Variants in SPIN1 observed in about 807,000 individuals in gnomAD.
SPIN1 encodes spindlin 1.
A neutral mutation model predicts 26.0 loss-of-function variants in SPIN1; 3 were observed. The ratio of observed to expected loss-of-function variants is 0.12; its 90% CI spans 0.05 to 0.30. SPIN1 has a LOEUF of 0.30. Ranked by LOEUF, SPIN1 falls within the 10% of genes least tolerant of loss-of-function variation. SPIN1 has a pLI of 1.00. For synonymous variants in SPIN1, 101 were observed against 116.5 expected (o/e 0.87, Z 0.86); for missense variants, 126 against 333.4 (o/e 0.38, Z 4.84).
In SPIN1 at chr9:88,422,652, G is replaced by A. The variant is rs1827691355; in HGVS notation, c.-158-3730G>A. Among the ~76,000 whole-genome samples, 3 of 151,972 alleles carry A rather than the reference G, an allele frequency of 2.0e-5. No homozygotes were observed. In the South Asian group the frequency reaches 6.2e-4, roughly 32 times the overall value. Reference sequence around the variant, plus strand: ...TACTTGCAACTCAAAAAAGAGAAAGGACTCTAAAATTTTATTTTATTTTTT... The same window carrying A: ...TACTTGCAACTCAAAAAAGAGAAAGAACTCTAAAATTTTATTTTATTTTTT... On this transcript the variant is annotated intron_variant, in intron 1 of 5. Coordinates refer to ENST00000375859, the MANE Select transcript of SPIN1 (RefSeq NM_006717.3).
chr9:88,409,664 T>C (rs1827394976), intron 1 of SPIN1, among the ~76,000 whole-genome samples: 2 of 151,326 alleles, frequency 1.3e-5, no homozygotes, highest in African/African-American at 4.9e-5. Flanking sequence ...TGAAACCCTG[T>C]CTCTACTAAA....
intron 1 of SPIN1, among the ~76,000 whole-genome samples, chr9:88,421,905 T>G (rs1282361673): frequency 6.6e-6 from 1 of 152,096 alleles, no homozygotes; most frequent in Non-Finnish European, 1.5e-5. Context: ...ACATTTCACC[T>G]GGAGGTAAAA....
intron 3 of SPIN1, among the ~76,000 whole-genome samples, chr9:88,455,872 T>C (rs1828460458): frequency 6.6e-6 from 1 of 151,766 alleles, no homozygotes; most frequent in African/African-American, 2.4e-5. Flanking sequence ...TTCCAGCTAC[T>C]TGGGAGGCTA....
chr9:88,408,115 G>C (rs559771431), intron 1 of SPIN1, among the ~76,000 whole-genome samples: 1 of 151,346 alleles, frequency 6.6e-6, no homozygotes, highest in African/African-American at 2.4e-5. Flanking sequence ...TCTGCCTTTA[G>C]TTTTCAACAG....
rs1827375578 is a variant in SPIN1, at chr9:88,408,981, T to TGTG, written c.-158-17401_-158-17400insGTG. On this transcript the variant is annotated intron_variant, in intron 1 of 5. Coordinates refer to ENST00000375859, the MANE Select transcript of SPIN1 (RefSeq NM_006717.3). ...CCGGCCCTTTTGTGTTTGTGTGTGTTTGTGTGTGTGTGTGTGTGTGTGTGT... is the reference window on the plus strand; with the variant it reads ...CCGGCCCTTTTGTGTTTGTGTGTGTTGTGTGTGTGTGTGTGTGTGTGTGTGTGT... Among the ~76,000 whole-genome samples, 490 of 136,694 alleles carry TGTG rather than the reference T, an allele frequency of 3.6e-3. 2 individuals are homozygous for TGTG. Among genetic ancestry groups the TGTG allele is most frequent in the African/African-American group, 0.012 (444 of 36,354 alleles). 89.7% of individuals were successfully genotyped at this position (136,694 alleles called of 152,430 possible).
At chr9:88,471,934 G>GTC (rs1828798202) in intron 5 of SPIN1, among the ~76,000 whole-genome samples, 1 of 151,910 alleles carries the variant, frequency 6.6e-6, no homozygotes, top group Non-Finnish European at 1.5e-5. Context: ...AAGGAACTGG[G>GTC]ATTACAGGCA....
At chr9:88,425,873 A>G (rs777388151) in intron 1 of SPIN1, among the ~76,000 whole-genome samples, 2 of 152,082 alleles carry the variant, frequency 1.3e-5, no homozygotes, top group African/African-American at 2.4e-5. Context: ...GCTGATCTTC[A>G]GCCTTGCTGT....
intron 2 of SPIN1, among the ~76,000 whole-genome samples, chr9:88,442,980 C>T (rs576465107): frequency 3.3e-5 from 5 of 151,562 alleles, no homozygotes; most frequent in East Asian, 2.0e-4. Context: ...ATTAGCTGGG[C>T]GTGGTGGCAC....
intron 2 of SPIN1, among the ~76,000 whole-genome samples, chr9:88,437,352 G>A (rs1828024008): frequency 6.6e-6 from 1 of 151,984 alleles, no homozygotes; most frequent in Non-Finnish European, 1.5e-5. Context: ...ACAAAAAGTA[G>A]TGGAGCGTGG....
chr9:88,454,493 G>A (rs1828428920), intron 3 of SPIN1, among the ~76,000 whole-genome samples: 1 of 151,778 alleles, frequency 6.6e-6, no homozygotes, highest in African/African-American at 2.4e-5. Flanking sequence ...TATTAATAGT[G>A]TTTTTTTAAT....
chr9:88,447,206 T>C (rs550659934), intron 2 of SPIN1, among the ~76,000 whole-genome samples: 1 of 152,318 alleles, frequency 6.6e-6, no homozygotes, highest in South Asian at 2.1e-4. Flanking sequence ...AATTTCAGAT[T>C]ATGTATTTTT....
intron 3 of SPIN1, among the ~76,000 whole-genome samples, chr9:88,455,466 A>G (rs1437636181): frequency 6.6e-6 from 1 of 152,246 alleles, no homozygotes; most frequent in African/African-American, 2.4e-5. Flanking sequence ...CAGAAAAAAC[A>G]GTTGTGTTTT....
chr9:88,449,523 C>T (rs1477331596), intron 3 of SPIN1, among the ~76,000 whole-genome samples: 1 of 152,134 alleles, frequency 6.6e-6, no homozygotes, highest in Non-Finnish European at 1.5e-5. Flanking sequence ...CGTAAACTGA[C>T]AGTGTGTTCT....
chr9:88,415,321 A>G (rs1056824137), intron 1 of SPIN1, among the ~76,000 whole-genome samples: 4 of 152,182 alleles, frequency 2.6e-5, no homozygotes, highest in Admixed American at 2.6e-4. Flanking sequence ...GTAATTAGCA[A>G]TGCTTTATAA....
At chr9:88,442,826 G>A (rs1376816007) in intron 2 of SPIN1, among the ~76,000 whole-genome samples, 4 of 151,650 alleles carry the variant, frequency 2.6e-5, no homozygotes, top group Non-Finnish European at 5.9e-5. Flanking sequence ...TAATTTCTGG[G>A]AAATCTCAGT....
At position 88,408,263 on chromosome 9, in the gene SPIN1, C is replaced by T. The variant is rs1055800480; in HGVS notation, c.-158-18119C>T. 4.1e-5 allele frequency among the ~76,000 whole-genome samples: 6 copies of T among 145,660 alleles called. No individual in the cohort carries two copies. The Admixed American group carries it at 4.1e-4, about 10-fold the overall frequency. On this transcript the variant is annotated intron_variant, in intron 1 of 5. Coordinates refer to ENST00000375859, the MANE Select transcript of SPIN1 (RefSeq NM_006717.3). ...CAATTTCTGCTATCCCCCCTTTACC[C>T]CCTCCCCCCACCTTCTGAGAGCCCA...
intron 5 of SPIN1, among the ~76,000 whole-genome samples, chr9:88,474,279 C>G (rs1257997306): frequency 6.6e-6 from 1 of 152,084 alleles, no homozygotes; most frequent in Admixed American, 6.5e-5. Flanking sequence ...CCTAGCAAAC[C>G]CCCTCTCTTT....
At chr9:88,436,617 AG>A in intron 2 of SPIN1, among the ~76,000 whole-genome samples, 1 of 152,090 alleles carries the variant, frequency 6.6e-6, no homozygotes, top group Non-Finnish European at 1.5e-5. Context: ...ACCCCTGGCA[AG>A]TGCTGATTTT....
intron 5 of SPIN1, among the ~76,000 whole-genome samples, chr9:88,469,451 C>T (rs1028236530): frequency 8.5e-5 from 13 of 152,190 alleles, no homozygotes; most frequent in Admixed American, 5.2e-4. Flanking sequence ...AGTCTGTTCA[C>T]ACAGGTAAGG....
Sources: allele counts gnomAD v4.1 joint callset (sites outside exome capture counted in the v4.1 genomes callset), GRCh38; gene constraint gnomAD v4.1.1; transcripts MANE v1.5; gene names NCBI Gene and HGNC (gene_info 2026-07-23, HGNC 2026-07-21).